ST18: variants seen among roughly 807,000 people sequenced by gnomAD.
ST18 encodes ST18 C2H2C-type zinc finger transcription factor, also known as suppression of tumorigenicity 18 protein.
Under a neutral mutation model 110.0 loss-of-function variants are expected in ST18, and 50 were observed. The ratio of observed to expected loss-of-function variants is 0.45; its 90% CI spans 0.36 to 0.58. ST18 has a LOEUF of 0.58. ST18 is among the 20% of genes least tolerant of loss of function. The probability of loss-of-function intolerance (pLI) is 0.00; values close to 1 mark genes in which losing one functional copy is unlikely to be tolerated. For missense variants in ST18, 1,306 were observed against 1,280.1 expected, an observed-to-expected ratio of 1.02 and a Z score of -0.31; for synonymous variants, 461 against 452.4, an observed-to-expected ratio of 1.02 and a Z score of -0.24.
intron 21 of ST18, 48 bp from the exon 22 acceptor site, chr8:52,132,227 G>A: frequency 6.7e-7 from 1 of 1,499,534 alleles, no homozygotes; most frequent in Non-Finnish European, 9.1e-7. Flanking sequence ...GGCAGTGATA[G>A]TCCTATGCTC....
At position 52,337,342 on chromosome 8, in the gene ST18, T is replaced by C. The variant is rs141253171; in HGVS notation, c.-465+71986A>G. ...TTTGTTTCTCTTCGTCTGGCAAAGG[T>C]TTTGGCTTCAGTTTCATGTTCTTTG... On this transcript the variant is annotated intron_variant, in intron 2 of 25. Coordinates refer to ENST00000689386, the MANE Select transcript of ST18 (RefSeq NM_001352837.2). Among the ~76,000 whole-genome samples the C allele has an allele frequency of 2.8e-3, 422 of 152,310 alleles. 3 individuals carry two copies. In the Middle Eastern group the frequency reaches 0.031, roughly 11 times the overall value.
chr8:52,133,269 TGCCCCGA>T lies in ST18; in HGVS notation c.2326_2332del (p.Ser776ThrfsTer2). On this transcript the variant is annotated frameshift_variant, in exon 20 of 26. Coordinates refer to ENST00000689386, the MANE Select transcript of ST18 (RefSeq NM_001352837.2). LOFTEE classifies it high-confidence loss of function. Reference sequence around the variant, plus strand: ...GTGGGAAGCATAGTTTCCAGTCACGTGCCCCGAGCCATCGCAGCCTGGGGTTGGACAC... The same window carrying T: ...GTGGGAAGCATAGTTTCCAGTCACGTGCCATCGCAGCCTGGGGTTGGACAC... 3 of 1,614,160 alleles carry T rather than the reference TGCCCCGA, an allele frequency of 1.9e-6. No homozygotes were observed. The highest frequency in any genetic ancestry group is 2.5e-6 in the Non-Finnish European group (3 of 1,180,038).
At chr8:52,144,740 T>A (rs949385659) in intron 16 of ST18, among the ~76,000 whole-genome samples, 1 of 152,144 alleles carries the variant, frequency 6.6e-6, no homozygotes, top group Non-Finnish European at 1.5e-5. Flanking sequence ...GTATGCTTGA[T>A]AATAATTCCA....
Position 52,318,193 on chromosome 8 carries a change from A to G in ST18, c.-464-88116T>C, listed in dbSNP as rs555826320. The stretch of plus-strand genomic sequence containing the variant: ...TAAATTTACAAGAAAAAACAAAAAC[A>G]AACTTACAAGAAAAAAACAAACAAC... On this transcript the variant is annotated intron_variant, in intron 2 of 25. Coordinates refer to ENST00000689386, the MANE Select transcript of ST18 (RefSeq NM_001352837.2). Among the ~76,000 whole-genome samples, 76 of 152,278 alleles carry G rather than the reference A, an allele frequency of 5.0e-4. No individual in the cohort carries two copies. In the South Asian group the frequency reaches 0.011, roughly 23 times the overall value.
intron 9 of ST18, among the ~76,000 whole-genome samples, chr8:52,177,075 C>T (rs893375129): frequency 2.0e-5 from 3 of 152,330 alleles, no homozygotes; most frequent in Admixed American, 6.5e-5. Context: ...CTTGTGGTTA[C>T]GCTGCTGGGG....
At chr8:52,251,904 AT>A (rs1171009692) in intron 2 of ST18, among the ~76,000 whole-genome samples, 1 of 152,082 alleles carries the variant, frequency 6.6e-6, no homozygotes, top group Admixed American at 6.6e-5. Flanking sequence ...CAATTTAACT[AT>A]TCTTTTTGCA....
intron 8 of ST18, among the ~76,000 whole-genome samples, chr8:52,186,776 T>C (rs144401171): frequency 6.0e-4 from 91 of 152,314 alleles, no homozygotes; most frequent in Non-Finnish European, 1.1e-3. Flanking sequence ...ACACATATGG[T>C]TGAGTCAAAG....
At chr8:52,118,197 A>G (rs2043237943) in intron 24 of ST18, 141 bp downstream of exon 24, 2 of 576,108 alleles carry the variant, frequency 3.5e-6, no homozygotes, top group Middle Eastern at 4.7e-4. Flanking sequence ...AGAATTTTAC[A>G]ATAATTATGG....
At chr8:52,241,254 A>C (rs2093372656) in intron 2 of ST18, among the ~76,000 whole-genome samples, 1 of 152,186 alleles carries the variant, frequency 6.6e-6, no homozygotes, top group Non-Finnish European at 1.5e-5. Context: ...GTCAATGCTC[A>C]ATATGTTTGT....
At chr8:52,287,261 A>G (rs1392951931) in intron 2 of ST18, among the ~76,000 whole-genome samples, 4 of 152,214 alleles carry the variant, frequency 2.6e-5, no homozygotes, top group African/African-American at 4.8e-5. Flanking sequence ...AGGTTTTGCA[A>G]GCGTTGCTGA....
chr8:52,127,964 C>T (rs2047726203), intron 22 of ST18, among the ~76,000 whole-genome samples: 1 of 146,646 alleles, frequency 6.8e-6, no homozygotes, highest in Non-Finnish European at 1.5e-5. Flanking sequence ...TCTATTATGA[C>T]ATATTAAGGG....
rs2094849207 is a variant in ST18, at chr8:52,265,825, C to T, written c.-464-35748G>A. Among the ~76,000 whole-genome samples, 3 of 152,190 alleles carry T rather than the reference C, an allele frequency of 2.0e-5. No homozygotes were observed. In the South Asian group the frequency reaches 6.2e-4, roughly 32 times the overall value. Reference sequence around the variant, plus strand: ...CTCATTTGGAATTTGGGTGTCATAGCCATGTAGCTAGTATTTCAAGATAAA... The same window carrying T: ...CTCATTTGGAATTTGGGTGTCATAGTCATGTAGCTAGTATTTCAAGATAAA... On this transcript the variant is annotated intron_variant, in intron 2 of 25. Transcript: ENST00000689386.
chr8:52,204,796 A>C (rs1018722244), intron 8 of ST18, among the ~76,000 whole-genome samples: 7 of 152,220 alleles, frequency 4.6e-5, no homozygotes, highest in Non-Finnish European at 1.0e-4. Context: ...CCACAGTTTT[A>C]GAAGATGTCT....
chr8:52,214,169 G>T (rs753833692), intron 7 of ST18, 34 bp downstream of exon 7: 1 of 1,609,278 alleles, frequency 6.2e-7, no homozygotes, highest in Admixed American at 1.7e-5. Context: ...TGGTGTGGTG[G>T]GCATAGTGTC....
chr8:52,208,262 A>G (rs889141559), intron 8 of ST18, among the ~76,000 whole-genome samples: 1 of 152,214 alleles, frequency 6.6e-6, no homozygotes, highest in Non-Finnish European at 1.5e-5. Flanking sequence ...AAGAAGAACC[A>G]AATAAAGTTG....
intron 2 of ST18, among the ~76,000 whole-genome samples, chr8:52,249,894 C>T (rs2094152721): frequency 6.6e-6 from 1 of 151,980 alleles, no homozygotes; most frequent in Admixed American, 6.6e-5. Context: ...TAATTTCTGT[C>T]TTAGTTTAAT....
rs533763912 is a variant in ST18, at chr8:52,166,377, G to A, written c.1204+475C>T. Among the ~76,000 whole-genome samples, 37 of 152,196 alleles carry A rather than the reference G, an allele frequency of 2.4e-4. 1 individual carries two copies. Among genetic ancestry groups the A allele is most frequent in the African/African-American group, 8.4e-4 (35 of 41,526 alleles). ...CCTTTACTGGGCGCTCACCCTCTGG[G>A]GCACTGTTCTTCTGCCCTGATTGCT... On this transcript the variant is annotated intron_variant, in intron 11 of 25. Coordinates refer to ENST00000689386, the MANE Select transcript of ST18 (RefSeq NM_001352837.2).
chr8:52,223,391 C>A (rs1229176613), intron 3 of ST18, among the ~76,000 whole-genome samples: 3 of 152,146 alleles, frequency 2.0e-5, no homozygotes, highest in Admixed American at 2.0e-4. Flanking sequence ...CGCCTGTAAT[C>A]CCAGCACTTT....
chr8:52,268,500 T>TATC (rs2094953711), intron 2 of ST18, among the ~76,000 whole-genome samples: 1 of 147,192 alleles, frequency 6.8e-6, no homozygotes, highest in African/African-American at 2.6e-5. Flanking sequence ...TCTATCTATC[T>TATC]ATCTATCTAT....
Sources: gnomAD v4.1 joint callset for allele counts (sites outside exome capture counted in the v4.1 genomes callset) on GRCh38, gnomAD v4.1.1 for gene constraint, MANE v1.5 for transcripts, NCBI Gene and HGNC (gene_info 2026-07-23, HGNC 2026-07-21) for gene names.